The following CDH13 variants were observed in gnomAD, a reference collection of about 807,000 sequenced individuals.
CDH13 encodes the protein cadherin 13.
Under a neutral mutation model 63.8 loss-of-function variants are expected in CDH13, and 24 were observed. The ratio of observed to expected loss-of-function variants is 0.38; its 90% CI spans 0.27 to 0.53. CDH13 has a LOEUF of 0.53. CDH13 is among the 20% of genes least tolerant of loss of function. The pLI, the probability that CDH13 is intolerant of heterozygous loss-of-function variation, is 0.85. For missense variants in CDH13, 1,049 were observed against 903.1 expected, an observed-to-expected ratio of 1.16 and a Z score of -2.07; for synonymous variants, 503 against 355.3, an observed-to-expected ratio of 1.42 and a Z score of -4.67.
intron 4 of CDH13, among the ~76,000 whole-genome samples, chr16:83,150,627 G>T (rs1392188320): frequency 6.6e-6 from 1 of 152,152 alleles, no homozygotes; most frequent in Admixed American, 6.5e-5. Flanking sequence ...TCAGATATCT[G>T]TCCTTATAGA....
At chr16:83,439,929 C>T (rs540595808) in intron 6 of CDH13, among the ~76,000 whole-genome samples, 1 of 152,120 alleles carries the variant, frequency 6.6e-6, no homozygotes, top group Non-Finnish European at 1.5e-5. Flanking sequence ...TGTAGGTCAA[C>T]AAAACTTAGT....
rs1161703756 is a variant in CDH13, at chr16:83,080,887, T to G, written c.367-44498T>G. Among the ~76,000 whole-genome samples the G allele has an allele frequency of 2.1e-4, 25 of 118,784 alleles. 1 individual carries two copies. The highest frequency in any genetic ancestry group is 4.1e-4 in the Non-Finnish European group (23 of 56,218). 77.9% of individuals were successfully genotyped at this position (118,784 alleles called of 152,430 possible). A position where few individuals can be genotyped will look rare whatever the true frequency, so the allele number is the denominator to read the frequency against. On this transcript the variant is annotated intron_variant, in intron 3 of 13. Transcript: ENST00000567109. ...TGTTTTTGTGTTTTTTTTTTTTTTTTTTTTTTTTTTTGAGACAGAGTTTTG... is the reference window on the plus strand; with the variant it reads ...TGTTTTTGTGTTTTTTTTTTTTTTTGTTTTTTTTTTTGAGACAGAGTTTTG...
At chr16:83,015,675 A>ATGTATG (rs1914699724) in intron 2 of CDH13, among the ~76,000 whole-genome samples, 2 of 51,214 alleles carry the variant, frequency 3.9e-5, no homozygotes, top group South Asian at 8.2e-4. Context: ...GTGTGTGTGT[A>ATGTATG]TGTATATATA....
chr16:83,285,704 C>G lies in CDH13; in HGVS notation c.637-59158C>G, dbSNP rs548922863. ...GCTTTATATAAGAGACTTGAGCATTCCAGGATTTTGGTGTTTGTGGGGGAG... is the reference window on the plus strand; with the variant it reads ...GCTTTATATAAGAGACTTGAGCATTGCAGGATTTTGGTGTTTGTGGGGGAG... On this transcript the variant is annotated intron_variant, in intron 5 of 13. Transcript: ENST00000567109. Among the ~76,000 whole-genome samples, 13 of 152,230 alleles carry G rather than the reference C, an allele frequency of 8.5e-5. No individual in the cohort carries two copies. The South Asian group carries it at 2.5e-3, about 29-fold the overall frequency.
intron 4 of CDH13, among the ~76,000 whole-genome samples, chr16:83,208,575 C>T (rs1250331163): frequency 6.6e-6 from 1 of 151,828 alleles, no homozygotes; most frequent in East Asian, 1.9e-4. Flanking sequence ...TTGTCTTTTC[C>T]TGTGTAAGTA....
intron 1 of CDH13, among the ~76,000 whole-genome samples, chr16:82,778,073 G>T (rs543309638): frequency 6.6e-6 from 1 of 152,230 alleles, no homozygotes; most frequent in East Asian, 1.9e-4. Flanking sequence ...TCAGTGGAGG[G>T]GATTACACAA....
At chr16:83,753,541 G>A (rs77663992) in intron 11 of CDH13, among the ~76,000 whole-genome samples, 9,051 of 151,764 alleles carry the variant, frequency 0.06, 361 homozygotes, top group East Asian at 0.11. Context: ...ATGAGACCCC[G>A]TCTCAAAAAA....
chr16:82,842,249 T>C lies in CDH13; in HGVS notation c.46-16113T>C, dbSNP rs553444200. 2.7e-5 allele frequency among the ~76,000 whole-genome samples: 4 copies of C among 150,682 alleles called. No individual in the cohort carries two copies. The South Asian group carries it at 8.5e-4, about 32-fold the overall frequency. On this transcript the variant is annotated intron_variant, in intron 1 of 13. Transcript: ENST00000567109. The stretch of plus-strand genomic sequence containing the variant: ...ATTCTTGCCTTTTAAAAAGTTGTTA[T>C]CAAAGACAAGGAATTTTTTAATCAT...
intron 3 of CDH13, among the ~76,000 whole-genome samples, chr16:83,034,852 A>T (rs760821840): frequency 1.3e-5 from 2 of 152,134 alleles, no homozygotes; most frequent in Non-Finnish European, 2.9e-5. Flanking sequence ...CCATCCAGAG[A>T]CAAAGCTCCC....
At chr16:83,762,614 G>A (rs540006408) in intron 11 of CDH13, among the ~76,000 whole-genome samples, 3 of 152,238 alleles carry the variant, frequency 2.0e-5, no homozygotes, top group Admixed American at 6.5e-5. Flanking sequence ...GCGATTTCTC[G>A]TAAGGGTTCT....
At chr16:83,490,968 T>C (rs2074000595) in intron 7 of CDH13, among the ~76,000 whole-genome samples, 1 of 152,196 alleles carries the variant, frequency 6.6e-6, no homozygotes, top group Non-Finnish European at 1.5e-5. Context: ...AGATAAATAA[T>C]AGGCACTGGA....
chr16:83,125,768 G>A (rs1369275200), intron 4 of CDH13, among the ~76,000 whole-genome samples: 2 of 152,188 alleles, frequency 1.3e-5, no homozygotes, highest in East Asian at 3.8e-4. Context: ...CAATGGTTAA[G>A]AAACAAGGCT....
chr16:83,362,284 G>A (rs762763716), intron 6 of CDH13, among the ~76,000 whole-genome samples: 27 of 152,146 alleles, frequency 1.8e-4, no homozygotes, highest in South Asian at 6.2e-4. Context: ...TTGTCAGCCT[G>A]AGTACATTTC....
chr16:83,467,664 G>C (rs115757335), intron 6 of CDH13, among the ~76,000 whole-genome samples: 3,848 of 152,210 alleles, frequency 0.025, 168 homozygotes, highest in African/African-American at 0.087. Flanking sequence ...TGGACCCAAT[G>C]CTGTTCCTTC....
At chr16:83,596,946 G>A (rs1907319472) in intron 7 of CDH13, among the ~76,000 whole-genome samples, 1 of 152,162 alleles carries the variant, frequency 6.6e-6, no homozygotes, top group African/African-American at 2.4e-5. Flanking sequence ...ACTTGGGCAG[G>A]GCACGGTGTC....
rs149279700 is a variant in CDH13 at position 83,486,616 on chromosome 16, C to T, written c.921C>T (p.Asp307=). 62 of 1,613,932 alleles carry T rather than the reference C, an allele frequency of 3.8e-5. No individual in the cohort carries two copies. The highest frequency in any genetic ancestry group is 4.3e-5 in the Non-Finnish European group (51 of 1,179,824). The change falls in exon 7 of 14, where the codon GAC becomes GAT. Residue 307 remains aspartate, a synonymous_variant. Transcript: ENST00000567109. ...NMFYIDPEKG[D]IVTVVSPALL... is the part of the protein sequence containing the mutation. ...TCTACATCGATCCTGAGAAAGGAGA[C>T]ATTGTCACTGTTGTGTCACCTGCGC...
At chr16:82,627,166 C>G in intron 1 of CDH13, 29 bp downstream of exon 1, 1 of 1,578,226 alleles carries the variant, frequency 6.3e-7, no homozygotes, top group Non-Finnish European at 8.7e-7. Flanking sequence ...CGGGCGCGCT[C>G]TGCGCCCCGT....
chr16:82,915,149 A>C (rs565929887), intron 2 of CDH13, among the ~76,000 whole-genome samples: 2 of 152,330 alleles, frequency 1.3e-5, no homozygotes, highest in South Asian at 2.1e-4. Flanking sequence ...AAAATGGTCT[A>C]ATTTGGTGGT....
chr16:83,537,108 A>C (rs748250298), intron 7 of CDH13, among the ~76,000 whole-genome samples: 2 of 152,234 alleles, frequency 1.3e-5, no homozygotes, highest in Non-Finnish European at 2.9e-5. Flanking sequence ...GTGATGACTT[A>C]ATTGAAATCA....
Sources: gnomAD v4.1 joint callset for allele counts (sites outside exome capture counted in the v4.1 genomes callset) on GRCh38, gnomAD v4.1.1 for gene constraint, MANE v1.5 for transcripts, NCBI Gene and HGNC (gene_info 2026-07-23, HGNC 2026-07-21) for gene names.